Variants in MBTPS1 observed in about 807,000 individuals in gnomAD.
MBTPS1 encodes membrane bound transcription factor peptidase, site 1.
In MBTPS1, 94 loss-of-function variants were observed where a neutral mutation model predicts 127.8. The ratio of observed to expected loss-of-function variants is 0.74; its 90% CI spans 0.62 to 0.87. MBTPS1 has a LOEUF of 0.87. Among genes scored for constraint, MBTPS1 ranks in the 40% least tolerant of loss-of-function variants. The pLI is 0.00. For missense variants in MBTPS1, 1,636 were observed against 1,353.2 expected (o/e 1.21, Z -3.28); for synonymous variants, 632 against 509.4 (o/e 1.24, Z -3.24).
chr16:84,084,948 G>A (rs1271189521), intron 10 of MBTPS1, 35 bp downstream of exon 10: 26 of 1,603,926 alleles, frequency 1.6e-5, no homozygotes, highest in South Asian at 6.7e-5. Flanking sequence ...CTGTCCTGAC[G>A]TGGGAGCTAC....
intron 8 of MBTPS1, among the ~76,000 whole-genome samples, chr16:84,090,391 C>T (rs1361849592): frequency 2.0e-5 from 3 of 152,190 alleles, no homozygotes; most frequent in African/African-American, 7.2e-5. Flanking sequence ...CCCAAAGCAC[C>T]GGCCATGTTG....
At chr16:84,084,953 A>C in intron 10 of MBTPS1, 30 bp downstream of exon 10, 1 of 1,606,212 alleles carries the variant, frequency 6.2e-7, no homozygotes, top group South Asian at 1.1e-5. Context: ...CTGACGTGGG[A>C]GCTACTGGTC....
chr16:84,075,016 G>A (rs1403679960), intron 11 of MBTPS1: 2 of 261,404 alleles, frequency 7.7e-6, no homozygotes, highest in Non-Finnish European at 1.5e-5. Context: ...GGCAGAGAAT[G>A]AGTACGTGAC....
chr16:84,094,278 G>C (rs1312296325), intron 4 of MBTPS1, among the ~76,000 whole-genome samples: 1 of 152,056 alleles, frequency 6.6e-6, no homozygotes, highest in Admixed American at 6.6e-5. Flanking sequence ...AATGGGAAAA[G>C]GGGGAACCAT....
intron 11 of MBTPS1, 159 bp from the exon 12 acceptor site, chr16:84,074,900 C>T: frequency 1.7e-6 from 1 of 586,630 alleles, no homozygotes; most frequent in Admixed American, 3.2e-5. Context: ...CTCTGGAATG[C>T]TCCTGCACAG....
At chr16:84,089,360 A>T (rs1472052158) in intron 8 of MBTPS1, among the ~76,000 whole-genome samples, 1 of 152,254 alleles carries the variant, frequency 6.6e-6, no homozygotes, top group African/African-American at 2.4e-5. Context: ...ATAACGCCTA[A>T]AATATTTATT....
chr16:84,102,273 G>A (rs901618164), intron 1 of MBTPS1, among the ~76,000 whole-genome samples, 166 bp from the exon 2 acceptor site: 1 of 152,090 alleles, frequency 6.6e-6, no homozygotes, highest in Admixed American at 6.6e-5. Flanking sequence ...CTTGAGCCCA[G>A]GAGTCTGAGT....
intron 4 of MBTPS1, among the ~76,000 whole-genome samples, chr16:84,094,493 G>C (rs985852671): frequency 1.3e-5 from 2 of 152,038 alleles, no homozygotes; most frequent in Non-Finnish European, 2.9e-5. Context: ...TGGCCTGTCT[G>C]ACCAAAAATT....
At chr16:84,075,448 T>G (rs1165881653) in intron 11 of MBTPS1, 3 of 138,346 alleles carry the variant, frequency 2.2e-5, no homozygotes, top group Admixed American at 2.2e-4. Flanking sequence ...TCACTCCTAG[T>G]GCAGCAGCGG....
At chr16:84,064,690 A>G (rs1043092237) in intron 18 of MBTPS1, among the ~76,000 whole-genome samples, 1 of 152,224 alleles carries the variant, frequency 6.6e-6, no homozygotes, top group African/African-American at 2.4e-5. Flanking sequence ...TCTATGAGAA[A>G]TGCTTTTAGA....
chr16:84,109,807 G>T (rs1256883681), intron 1 of MBTPS1, among the ~76,000 whole-genome samples: 1 of 152,164 alleles, frequency 6.6e-6, no homozygotes, highest in Non-Finnish European at 1.5e-5. Flanking sequence ...ACCCAAGTAA[G>T]CCTGCCCGTG....
At chr16:84,055,176 T>C (rs150787384) in intron 22 of MBTPS1, among the ~76,000 whole-genome samples, 3 of 152,178 alleles carry the variant, frequency 2.0e-5, no homozygotes, top group Non-Finnish European at 2.9e-5. Context: ...TGGTTCAGAA[T>C]GTCAATACGA....
At chr16:84,085,717 AT>A (rs1361543503) in intron 9 of MBTPS1, among the ~76,000 whole-genome samples, 3 of 152,344 alleles carry the variant, frequency 2.0e-5, no homozygotes, top group Non-Finnish European at 2.9e-5. Context: ...CAATTAAAAG[AT>A]AAGTATTTTA....
At chr16:84,098,186 A>G (rs1277101844) in intron 3 of MBTPS1, among the ~76,000 whole-genome samples, 1 of 152,226 alleles carries the variant, frequency 6.6e-6, no homozygotes, top group Non-Finnish European at 1.5e-5. Context: ...AGGAAAAGCC[A>G]AGTTGCTTCC....
intron 8 of MBTPS1, among the ~76,000 whole-genome samples, chr16:84,088,457 C>G (rs2086060355): frequency 6.6e-6 from 1 of 152,138 alleles, no homozygotes; most frequent in Non-Finnish European, 1.5e-5. Context: ...CCCAGGAACT[C>G]AAGGAGCAGA....
intron 8 of MBTPS1, among the ~76,000 whole-genome samples, chr16:84,088,760 G>A (rs2086064360): frequency 6.6e-6 from 1 of 152,140 alleles, no homozygotes; most frequent in South Asian, 2.1e-4. Context: ...GCTGACGTAT[G>A]CATGTTACTG....
chr16:84,103,039 C>T (rs1006198539), intron 1 of MBTPS1, among the ~76,000 whole-genome samples: 1 of 152,076 alleles, frequency 6.6e-6, no homozygotes, highest in Non-Finnish European at 1.5e-5. Flanking sequence ...ATTAAGCATG[C>T]GCACAGATAT....
At position 84,067,719 on chromosome 16, in the gene MBTPS1, A is replaced by G. The variant is rs781639961; in HGVS notation, c.2176T>C (p.Trp726Arg). Residue 726 changes from tryptophan (W) to arginine (R), a missense_variant, in exon 16 of 23, where the codon TGG (tryptophan) becomes CGG (arginine). Transcript: ENST00000343411. ...NGLSLVIFSD[W>R]YNTSVMRKVK... ...TTTCTCATAACAGAAGTGTTGTACCAGTCACTGAAGATGACGAGCGAGAGG... is the reference window on the plus strand; with the variant it reads ...TTTCTCATAACAGAAGTGTTGTACCGGTCACTGAAGATGACGAGCGAGAGG... 6.2e-7 allele frequency: 1 copy of G among 1,614,126 alleles called. No homozygotes were observed. Among genetic ancestry groups the G allele is most frequent in the Non-Finnish European group, 8.5e-7 (1 of 1,179,930 alleles).
chr16:84,089,595 C>A (rs1161646611), intron 8 of MBTPS1, among the ~76,000 whole-genome samples: 1 of 152,254 alleles, frequency 6.6e-6, no homozygotes, highest in Non-Finnish European at 1.5e-5. Context: ...TGCTCTCCCC[C>A]TGCTGTCTGA....
Sources: allele counts gnomAD v4.1 joint callset (sites outside exome capture counted in the v4.1 genomes callset), GRCh38; gene constraint gnomAD v4.1.1; transcripts MANE v1.5; gene names NCBI Gene and HGNC (gene_info 2026-07-23, HGNC 2026-07-21).